Variants in FAM193A observed in about 807,000 individuals in gnomAD.
FAM193A encodes protein FAM193A.
In FAM193A, 22 loss-of-function variants were observed where a neutral mutation model predicts 126.5. The ratio of observed to expected loss-of-function variants is 0.17; its 90% CI spans 0.12 to 0.25. The LOEUF is 0.25. FAM193A is among the 10% of genes least tolerant of loss of function. FAM193A has a pLI of 1.00. For missense variants in FAM193A, 1,675 were observed against 1,672.8 expected (o/e 1.00, Z -0.02); for synonymous variants, 761 against 646.8 (o/e 1.18, Z -2.68).
chr4:2,711,856 G>A (rs1301539900), intron 19 of FAM193A, among the ~76,000 whole-genome samples: 1 of 152,110 alleles, frequency 6.6e-6, no homozygotes, highest in Non-Finnish European at 1.5e-5. Context: ...GAATTTGGGA[G>A]GCAAAGGTTG....
intron 1 of FAM193A, among the ~76,000 whole-genome samples, chr4:2,591,389 AG>A (rs1162401435): frequency 6.6e-6 from 1 of 152,112 alleles, no homozygotes; most frequent in Non-Finnish European, 1.5e-5. Context: ...GAACAATCGA[AG>A]GGTTTAAGGC....
In FAM193A at chr4:2,634,898, A is replaced by G. The variant is rs190817394; in HGVS notation, c.1038+3729A>G. Among the ~76,000 whole-genome samples, 4 of 152,188 alleles carry G rather than the reference A, an allele frequency of 2.6e-5. No homozygotes were observed. In the East Asian group the frequency reaches 5.8e-4, roughly 22 times the overall value. Reference sequence around the variant, plus strand: ...GGTAGAGACTACAATGAATCTATGTACTCCTTACCCAGATGCGCAGTTAAT... The same window carrying G: ...GGTAGAGACTACAATGAATCTATGTGCTCCTTACCCAGATGCGCAGTTAAT... On this transcript the variant is annotated intron_variant, in intron 5 of 20. Transcript: ENST00000637812.
At chr4:2,546,776 G>T (rs1004949678) in intron 1 of FAM193A, among the ~76,000 whole-genome samples, 1 of 152,078 alleles carries the variant, frequency 6.6e-6, no homozygotes, top group Non-Finnish European at 1.5e-5. Flanking sequence ...AATTTTCTAG[G>T]TAAATACCAA....
At chr4:2,592,529 A>G (rs1740630140) in intron 1 of FAM193A, among the ~76,000 whole-genome samples, 4 of 152,224 alleles carry the variant, frequency 2.6e-5, no homozygotes, top group African/African-American at 9.6e-5. Context: ...TAGTTTTCCA[A>G]CATTGGCCCA....
chr4:2,703,507 A>G (rs533503107), intron 19 of FAM193A, among the ~76,000 whole-genome samples: 5 of 152,284 alleles, frequency 3.3e-5, no homozygotes, highest in African/African-American at 9.6e-5. Context: ...TTGGCCTCCC[A>G]AAGTGCTGGG....
At chr4:2,686,028 TACA>T (rs1356178848) in intron 13 of FAM193A, among the ~76,000 whole-genome samples, 1 of 152,232 alleles carries the variant, frequency 6.6e-6, no homozygotes, top group Non-Finnish European at 1.5e-5. Flanking sequence ...AGAGTTACTT[TACA>T]GTTATATCAT....
At chr4:2,709,400 C>T (rs937705114) in intron 19 of FAM193A, among the ~76,000 whole-genome samples, 1 of 151,930 alleles carries the variant, frequency 6.6e-6, no homozygotes, top group African/African-American at 2.4e-5. Flanking sequence ...TTATACTTGC[C>T]TCATAAAAAG....
rs1303572130 is a variant in FAM193A at position 2,577,436 on chromosome 4, TGA to T, written c.256-18645_256-18644del. Reference sequence around the variant, plus strand: ...GTTTTTTTTTTGTTTTTTTTTTTTTTGAGACAGAGTCTCAGTCTGTCACTCAA... The same window carrying T: ...GTTTTTTTTTTGTTTTTTTTTTTTTTGACAGAGTCTCAGTCTGTCACTCAA... On this transcript the variant is annotated intron_variant, in intron 1 of 20. Transcript: ENST00000637812. Among the ~76,000 whole-genome samples the T allele has an allele frequency of 6.0e-5, 9 of 148,936 alleles. No homozygotes were observed. The East Asian group carries it at 1.2e-3, about 19-fold the overall frequency.
At chr4:2,634,894 A>G (rs1035264303) in intron 5 of FAM193A, among the ~76,000 whole-genome samples, 6 of 152,222 alleles carry the variant, frequency 3.9e-5, no homozygotes, top group South Asian at 2.1e-4. Context: ...CAATGAATCT[A>G]TGTACTCCTT....
At position 2,695,069 on chromosome 4, in the gene FAM193A, C is replaced by T. The variant is rs550218868; in HGVS notation, c.3216C>T (p.Thr1072=). The change falls in exon 17 of 21, where the codon ACC becomes ACT. Residue 1072 remains threonine (T), a synonymous_variant. Transcript: ENST00000637812. ...ACAGCTCCAGCACCTCGACCTCCACCAACCAGAAGGAGGGCAAGTACTGCG... is the reference window on the plus strand; with the variant it reads ...ACAGCTCCAGCACCTCGACCTCCACTAACCAGAAGGAGGGCAAGTACTGCG... The part of the protein sequence containing the change: ...SEHSSSTSTS[T]NQKEGKYCDC... 3 of 1,609,744 alleles carry T rather than the reference C, an allele frequency of 1.9e-6. No individual in the cohort carries two copies. In the South Asian group the frequency reaches 3.3e-5, roughly 18 times the overall value.
chr4:2,699,551 A>G, intron 18 of FAM193A, 129 bp from the exon 19 acceptor site: 1 of 833,962 alleles, frequency 1.2e-6, no homozygotes, highest in Non-Finnish European at 1.8e-6. Context: ...TTAAGTTTTG[A>G]TTTATTACAG....
intron 13 of FAM193A, among the ~76,000 whole-genome samples, chr4:2,686,299 T>G (rs1209871809): frequency 6.6e-6 from 1 of 152,182 alleles, no homozygotes; most frequent in Middle Eastern, 3.2e-3. Context: ...ATTACAGTTA[T>G]ATAGATGCAT....
At chr4:2,607,293 C>T (rs1172593673) in intron 2 of FAM193A, among the ~76,000 whole-genome samples, 2 of 152,182 alleles carry the variant, frequency 1.3e-5, no homozygotes, top group Non-Finnish European at 2.9e-5. Context: ...GTGAAGAATG[C>T]AGCAGCCACT....
intron 19 of FAM193A, among the ~76,000 whole-genome samples, chr4:2,711,426 G>T (rs910511709): frequency 1.3e-5 from 2 of 151,342 alleles, no homozygotes; most frequent in Admixed American, 1.3e-4. Context: ...TGCCACCTCT[G>T]CCTCCTGGGT....
intron 13 of FAM193A, among the ~76,000 whole-genome samples, chr4:2,680,585 C>T (rs1341107118): frequency 6.6e-6 from 1 of 152,120 alleles, no homozygotes; most frequent in Admixed American, 6.5e-5. Context: ...AGTCCTACTA[C>T]CTCAGCCTCC....
intron 1 of FAM193A, among the ~76,000 whole-genome samples, chr4:2,569,072 C>T (rs965721870): frequency 4.1e-5 from 6 of 144,674 alleles, no homozygotes; most frequent in Admixed American, 2.9e-4. Context: ...TGGGTTCAAG[C>T]GATTCTCCTG....
intron 20 of FAM193A, among the ~76,000 whole-genome samples, chr4:2,720,811 T>C (rs1372477418): frequency 6.6e-6 from 1 of 152,184 alleles, no homozygotes; most frequent in Non-Finnish European, 1.5e-5. Flanking sequence ...GAAACTTTAT[T>C]GGAAAACATT....
Position 2,668,331 on chromosome 4 carries a change from A to G in FAM193A, c.2080-3790A>G, listed in dbSNP as rs367815062. ...CAGGTTCAAGTGATTCTCCTGCCTC[A>G]GCCTCCCAAGTAGCTGGGATTACAG... is the stretch of plus-strand genomic sequence containing the variant. On this transcript the variant is annotated intron_variant, in intron 12 of 20. Coordinates refer to ENST00000637812, the MANE Select transcript of FAM193A (RefSeq NM_001366318.2). Among the ~76,000 whole-genome samples the G allele has an allele frequency of 9.2e-5, 14 of 151,474 alleles. No individual in the cohort carries two copies. In the East Asian group the frequency reaches 2.7e-3, roughly 29 times the overall value.
At chr4:2,721,035 CGGGCGCG>C (rs1031008931) in intron 20 of FAM193A, among the ~76,000 whole-genome samples, 24 of 151,882 alleles carry the variant, frequency 1.6e-4, no homozygotes, top group African/African-American at 5.6e-4. Context: ...AGGCGTGGGC[CGGGCGCG>C]GTGGTTCATG....
Sources: gnomAD v4.1 joint callset for allele counts (sites outside exome capture counted in the v4.1 genomes callset) on GRCh38, gnomAD v4.1.1 for gene constraint, MANE v1.5 for transcripts, NCBI Gene and HGNC (gene_info 2026-07-23, HGNC 2026-07-21) for gene names.